LOXL2: variants seen among roughly 807,000 people sequenced by gnomAD.
The protein encoded by LOXL2 is lysyl oxidase homolog 2.
LOXL2 carries 70 observed loss-of-function variants against 93.0 expected under a neutral mutation model. The ratio of observed to expected loss-of-function variants is 0.75; its 90% CI spans 0.62 to 0.92. LOXL2 has a LOEUF of 0.92. Ranked by LOEUF, LOXL2 falls within the 40% of genes least tolerant of loss-of-function variation. LOXL2 has a pLI of 0.00. For synonymous variants in LOXL2, 438 were observed against 413.2 expected (o/e 1.06, Z -0.73); for missense variants, 973 against 1,054.9 (o/e 0.92, Z 1.08).
In LOXL2 at chr8:23,317,009, C is replaced by A; in HGVS notation, c.1576G>T (p.Glu526Ter). The A allele has an allele frequency of 6.2e-7, 1 of 1,614,170 alleles. No homozygotes were observed. Residue 526 changes from glutamate (E) to a stop codon, truncating the protein, a stop_gained, in exon 9 of 14, where the codon GAG becomes TAG. Transcript: ENST00000389131. LOFTEE classifies it high-confidence loss of function. Reference protein sequence around the residue: ...LSLAHCRHDGEDVACPQGGVQ... With the variant: ...LSLAHCRHDG The stretch of plus-strand genomic sequence containing the variant: ...CCGCCCTGGGGGCAGGCCACGTCCT[C>A]CCCGTCGTGGCGGCAGTGCGCCAGG...
In LOXL2 at chr8:23,394,993, C is replaced by T. The variant is rs112764643; in HGVS notation, c.-84+8961G>A. Among the ~76,000 whole-genome samples the T allele has an allele frequency of 4.3e-4, 65 of 152,278 alleles. No homozygotes were observed. The East Asian group carries it at 5.0e-3, about 12-fold the overall frequency. ...AACATTAGGGGAGCACCGTGGCTCC[C>T]GCCTGTAATCCCAGCACTTTGGGAG... On this transcript the variant is annotated intron_variant, in intron 1 of 13. Transcript: ENST00000389131.
At chr8:23,349,736 C>A (rs1474727405) in intron 3 of LOXL2, among the ~76,000 whole-genome samples, 1 of 152,040 alleles carries the variant, frequency 6.6e-6, no homozygotes, top group African/African-American at 2.4e-5. Flanking sequence ...GTGCCTTATT[C>A]ATTTTTGTAT....
chr8:23,367,910 A>T, intron 2 of LOXL2, 87 bp downstream of exon 2: 1 of 1,064,524 alleles, frequency 9.4e-7, no homozygotes, highest in Non-Finnish European at 1.4e-6. Flanking sequence ...CAGTGCGTGC[A>T]GCCTCCTCTC....
chr8:23,331,612 T>C (rs917168145), intron 5 of LOXL2: 1 of 152,020 alleles, frequency 6.6e-6, no homozygotes, highest in African/African-American at 2.4e-5. Context: ...AACACAGAAA[T>C]CACAGAGACC....
chr8:23,373,618 A>G (rs913403919), intron 1 of LOXL2, among the ~76,000 whole-genome samples: 1 of 152,304 alleles, frequency 6.6e-6, no homozygotes, highest in South Asian at 2.1e-4. Context: ...ACATTAATAG[A>G]GCACCCCCAT....
intron 1 of LOXL2, among the ~76,000 whole-genome samples, chr8:23,403,593 C>T (rs975628311): frequency 6.6e-6 from 1 of 152,148 alleles, no homozygotes; most frequent in African/African-American, 2.4e-5. Flanking sequence ...GAGACGCTGT[C>T]CCTGGAGCCA....
intron 2 of LOXL2, chr8:23,365,641 A>ACCT (rs1159145729): frequency 6.6e-6 from 1 of 151,406 alleles, no homozygotes; most frequent in South Asian, 2.1e-4. Context: ...TCGTTAATAC[A>ACCT]CCTCCTCTCT....
rs749583789 is a variant in LOXL2, at chr8:23,341,115, T to A, written c.620A>T (p.Glu207Val). The change falls in exon 4 of 14, where the codon GAG becomes GTG. Residue 207 changes from glutamate to valine, a missense_variant. Physicochemically the swap from Glu to Val is moderately radical, Grantham distance 121. Coordinates refer to ENST00000389131, the MANE Select transcript of LOXL2 (RefSeq NM_002318.3). The part of the protein sequence containing the change: ...KRTPVMEGYV[E>V]VKEGKTWKQI... ...CTTCCAGGTCTTGCCCTCCTTCACC[T>A]CCACGTAGCCCTCCATCACTGGGGT... 1 of 1,613,960 alleles carries A rather than the reference T, an allele frequency of 6.2e-7. No individual in the cohort carries two copies. The highest frequency in any genetic ancestry group is 2.2e-5 in the East Asian group (1 of 44,854).
chr8:23,309,591 C>T lies in LOXL2; in HGVS notation c.1880+77G>A, dbSNP rs1483992833. 1.3e-5 allele frequency: 17 copies of T among 1,328,146 alleles called. No homozygotes were observed. The South Asian group carries it at 1.4e-4, about 11-fold the overall frequency. 82.3% of individuals were successfully genotyped at this position (1,328,146 alleles called of 1,614,324 possible). On this transcript the variant is annotated intron_variant, in intron 10 of 13. Transcript: ENST00000389131. Reference sequence around the variant, plus strand: ...GCCTCTTGGCTCTAAGTGACCCTGGCAACTCTCAACTCCCATCTGAGGCCT... The same window carrying T: ...GCCTCTTGGCTCTAAGTGACCCTGGTAACTCTCAACTCCCATCTGAGGCCT...
At chr8:23,359,682 C>T (rs1421279949) in intron 3 of LOXL2, among the ~76,000 whole-genome samples, 1 of 152,218 alleles carries the variant, frequency 6.6e-6, no homozygotes, top group African/African-American at 2.4e-5. Flanking sequence ...AGCTGCAAAA[C>T]CTGGGGGCAA....
chr8:23,305,294 C>T (rs1803212773), intron 10 of LOXL2, among the ~76,000 whole-genome samples: 1 of 152,230 alleles, frequency 6.6e-6, no homozygotes, highest in Non-Finnish European at 1.5e-5. Context: ...GACCCCGTCC[C>T]ACTGCTGGGC....
At position 23,322,193 on chromosome 8, in the gene LOXL2, G is replaced by T. The variant is rs776333766; in HGVS notation, c.1239C>A (p.Gly413=). 5.0e-6 allele frequency: 8 copies of T among 1,614,212 alleles called. No individual in the cohort carries two copies. The highest frequency in any genetic ancestry group is 1.7e-5 in the Admixed American group (1 of 60,030). Residue 413 remains glycine (G), a synonymous_variant, in exon 7 of 14, where the codon GGC becomes GGA. Transcript: ENST00000389131. The part of the protein sequence containing the change: ...IDCKFNAESQ[G]CNHEEDAGVR... ...CACCAGCATCCTCCTCGTGGTTGCA[G>T]CCCTGAGACTCGGCATTGAACTTGC... is the stretch of plus-strand genomic sequence containing the variant.
intron 6 of LOXL2, among the ~76,000 whole-genome samples, chr8:23,326,703 G>A (rs564785217): frequency 1.3e-5 from 2 of 152,276 alleles, no homozygotes; most frequent in East Asian, 1.9e-4. Context: ...GCAGTGAGCC[G>A]AGATCGCGCC....
At chr8:23,374,106 C>T (rs1269192548) in intron 1 of LOXL2, among the ~76,000 whole-genome samples, 2 of 124,458 alleles carry the variant, frequency 1.6e-5, no homozygotes, top group East Asian at 3.0e-4. Flanking sequence ...CCCCTCCCCC[C>T]ACCCCACAAC....
Position 23,368,443 on chromosome 8 carries a change from G to C in LOXL2, c.-83-9C>G, listed in dbSNP as rs748987160. ...GAAGCAGCAGGAGCTTTCTGGAAGA[G>C]AGGAGAGATGCGTTAGGATGGGAAC... On this transcript the variant is annotated splice_polypyrimidine_tract_variant and intron_variant, in intron 1 of 13. Transcript: ENST00000389131. 3 of 1,049,200 alleles carry C rather than the reference G, an allele frequency of 2.9e-6. No individual in the cohort carries two copies. The highest frequency in any genetic ancestry group is 2.9e-6 in the Non-Finnish European group (2 of 691,410). The allele number at this position is 1,049,200 out of a possible 1,614,324, so 65.0% of individuals were successfully genotyped here.
At chr8:23,341,250 G>T in intron 3 of LOXL2, 47 bp from the exon 4 acceptor site, 1 of 1,481,256 alleles carries the variant, frequency 6.8e-7, no homozygotes, top group Non-Finnish European at 9.4e-7. Context: ...TACTGGCCTG[G>T]CTGCAGAGAC....
chr8:23,397,103 G>A (rs981128875), intron 1 of LOXL2, among the ~76,000 whole-genome samples: 8 of 152,184 alleles, frequency 5.3e-5, no homozygotes, highest in African/African-American at 1.9e-4. Context: ...AGCCAGACAC[G>A]AAAAGACAAA....
chr8:23,327,361 T>C (rs528246530), intron 6 of LOXL2, among the ~76,000 whole-genome samples: 4 of 152,200 alleles, frequency 2.6e-5, no homozygotes, highest in Admixed American at 6.5e-5. Context: ...TAGTGAGGGC[T>C]ATCATTTCTT....
intron 4 of LOXL2, chr8:23,337,606 C>T (rs573386368): frequency 2.2e-4 from 33 of 152,314 alleles, no homozygotes; most frequent in African/African-American, 7.9e-4. Flanking sequence ...CCGCTGGAGG[C>T]CTTTCTAACT....
Sources: gnomAD v4.1 joint callset for allele counts (sites outside exome capture counted in the v4.1 genomes callset) on GRCh38, gnomAD v4.1.1 for gene constraint, MANE v1.5 for transcripts, NCBI Gene and HGNC (gene_info 2026-07-23, HGNC 2026-07-21) for gene names.